The following ITIH5 variants were observed in gnomAD, a reference collection of about 807,000 sequenced individuals.
ITIH5 encodes the protein inter-alpha-trypsin inhibitor heavy chain H5.
In ITIH5, 65 loss-of-function variants were observed where a neutral mutation model predicts 77.5. That is an observed-to-expected ratio of 0.84 (90% CI 0.69 to 1.03). The LOEUF is 1.03. ITIH5 is among the 50% of genes least tolerant of loss of function. ITIH5 has a pLI of 0.00. For missense variants in ITIH5, 1,208 were observed against 1,213.1 expected (o/e 1.00, Z 0.06); for synonymous variants, 525 against 494.3 (o/e 1.06, Z -0.82).
chr10:7,617,308 AATAAC>A, intron 5 of ITIH5, 26 bp from the exon 6 acceptor site: 1 of 1,379,694 alleles, frequency 7.2e-7, no homozygotes, highest in Non-Finnish European at 9.6e-7. Context: ...AAACATAATT[AATAAC>A]TTAATATATA....
At chr10:7,664,553 G>T (rs1834332254) in intron 1 of ITIH5, among the ~76,000 whole-genome samples, 1 of 152,140 alleles carries the variant, frequency 6.6e-6, no homozygotes, top group Non-Finnish European at 1.5e-5. Context: ...TCCACCCCAA[G>T]GGTGAAAACC....
chr10:7,565,713 AT>A (rs1832137498), intron 13 of ITIH5, among the ~76,000 whole-genome samples: 1 of 148,984 alleles, frequency 6.7e-6, no homozygotes, highest in African/African-American at 2.4e-5. Flanking sequence ...TATATAATAT[AT>A]ATTATGTATT....
intron 7 of ITIH5, among the ~76,000 whole-genome samples, chr10:7,591,166 A>G (rs1832787212): frequency 6.6e-6 from 1 of 152,214 alleles, no homozygotes; most frequent in South Asian, 2.1e-4. Flanking sequence ...AAGTGCTGGG[A>G]TTACAGGCGT....
intron 1 of ITIH5, among the ~76,000 whole-genome samples, chr10:7,663,299 T>C (rs557535440): frequency 4.7e-4 from 71 of 152,258 alleles, no homozygotes; most frequent in Non-Finnish European, 8.8e-4. Context: ...GAGACTTAAC[T>C]AGGCTGTGCA....
At position 7,640,850 on chromosome 10, in the gene ITIH5, A is replaced by G. The variant is rs2131079221; in HGVS notation, c.305T>C (p.Ile102Thr). ...AAFITNFTML[I>T]GDKVYQGEIT... ...TTCGCCCTGATACACCTTGTCTCCA[A>G]TAAGCCTGAAATACAAGAGACAGTT... Residue 102 changes from isoleucine to threonine, a missense_variant, in exon 4 of 14, where the codon ATT becomes ACT. Transcript: ENST00000397146. 1 of 1,606,944 alleles carries G rather than the reference A, an allele frequency of 6.2e-7. No homozygotes were observed. Among genetic ancestry groups the G allele is most frequent in the Non-Finnish European group, 8.5e-7 (1 of 1,173,602 alleles).
chr10:7,607,554 C>CT (rs1401577051), intron 7 of ITIH5, among the ~76,000 whole-genome samples: 32 of 152,244 alleles, frequency 2.1e-4, no homozygotes, highest in African/African-American at 7.5e-4. Context: ...TGGTTCATGC[C>CT]TGTAATCCCA....
chr10:7,634,549 G>A (rs1034655493), intron 5 of ITIH5, among the ~76,000 whole-genome samples: 1 of 152,072 alleles, frequency 6.6e-6, no homozygotes, highest in Non-Finnish European at 1.5e-5. Flanking sequence ...GAGATCAACC[G>A]TTTGGAAAAA....
chr10:7,579,972 T>A lies in ITIH5; in HGVS notation c.1201A>T (p.Ile401Phe). 1.2e-6 allele frequency: 2 copies of A among 1,614,138 alleles called. No homozygotes were observed. Among genetic ancestry groups the A allele is most frequent in the Non-Finnish European group, 1.7e-6 (2 of 1,180,028 alleles). ...GGCTTCCCATCCGTCAGGAAGACGA[T>A]GAGGGACACGCTCCGGTCTCCAATG... ...SGIGDRSVSLIVFLTDGKPTV... is the reference protein window; with the variant it reads ...SGIGDRSVSLFVFLTDGKPTV... The change falls in exon 9 of 14, where the codon ATC (isoleucine) becomes TTC (phenylalanine). Residue 401 changes from isoleucine (I) to phenylalanine (F), a missense_variant. Ile to Phe is a conservative substitution (Grantham distance 21). Transcript: ENST00000397146.
chr10:7,649,430 C>CTA (rs972575865), intron 2 of ITIH5, among the ~76,000 whole-genome samples: 16 of 151,064 alleles, frequency 1.1e-4, no homozygotes, highest in South Asian at 4.2e-4. Flanking sequence ...TAGAGGAAAA[C>CTA]TATATATATA....
chr10:7,574,560 C>G (rs959869382), intron 10 of ITIH5, among the ~76,000 whole-genome samples: 3 of 151,968 alleles, frequency 2.0e-5, no homozygotes, highest in African/African-American at 7.3e-5. Context: ...TTGGGAGGCC[C>G]AGGTGGGCGG....
chr10:7,661,038 T>C (rs1409697019), intron 1 of ITIH5, among the ~76,000 whole-genome samples: 1 of 152,224 alleles, frequency 6.6e-6, no homozygotes, highest in East Asian at 1.9e-4. Context: ...CTCCAGGCAC[T>C]AGATTCTCAT....
At chr10:7,662,354 C>T (rs77584281) in intron 1 of ITIH5, among the ~76,000 whole-genome samples, 1 of 135,490 alleles carries the variant, frequency 7.4e-6, no homozygotes, top group African/African-American at 2.7e-5. Flanking sequence ...GAGACTGTCT[C>T]AAAAAAAAAA....
Position 7,620,567 on chromosome 10 carries a change from T to A in ITIH5, c.653-3285A>T, listed in dbSNP as rs549272761. 3.3e-5 allele frequency: 5 copies of A among 152,318 alleles called. No individual in the cohort carries two copies. In the South Asian group the frequency reaches 6.2e-4, roughly 19 times the overall value. The allele number at this position is 152,318 out of a possible 1,614,324, so 9.4% of individuals were successfully genotyped here. On this transcript the variant is annotated intron_variant, in intron 5 of 13. Coordinates refer to ENST00000397146, the MANE Select transcript of ITIH5 (RefSeq NM_030569.7). Reference sequence around the variant, plus strand: ...ATTTTATCAAGCTGTACACATGACATTTGTACCGTTTATGGTGTATGTACA... The same window carrying A: ...ATTTTATCAAGCTGTACACATGACAATTGTACCGTTTATGGTGTATGTACA...
intron 8 of ITIH5, among the ~76,000 whole-genome samples, chr10:7,582,069 GT>G (rs374325381): frequency 9.9e-4 from 150 of 151,668 alleles, no homozygotes; most frequent in African/African-American, 3.4e-3. Context: ...GTAGAGACGG[GT>G]TTCACCATGT....
chr10:7,610,507 A>G (rs1387843915), intron 7 of ITIH5, among the ~76,000 whole-genome samples: 1 of 152,236 alleles, frequency 6.6e-6, no homozygotes, highest in Non-Finnish European at 1.5e-5. Context: ...GGCCCGTCAA[A>G]GACGAGGGGA....
At chr10:7,628,187 C>A (rs887971863) in intron 5 of ITIH5, among the ~76,000 whole-genome samples, 1 of 152,150 alleles carries the variant, frequency 6.6e-6, no homozygotes, top group Non-Finnish European at 1.5e-5. Context: ...TTTAGTACAT[C>A]CACAATGTTG....
chr10:7,573,933 C>A (rs966949125), intron 10 of ITIH5, among the ~76,000 whole-genome samples: 2 of 152,224 alleles, frequency 1.3e-5, no homozygotes, highest in East Asian at 3.9e-4. Flanking sequence ...TGTTTCACAA[C>A]AGTGTGAATA....
chr10:7,666,915 C>A lies in ITIH5; in HGVS notation c.-23G>T. 1 of 1,569,420 alleles carries A rather than the reference C, an allele frequency of 6.4e-7. No individual in the cohort carries two copies. The stretch of plus-strand genomic sequence containing the variant: ...CATGGCGGGGCGAGGGCGCGGGACG[C>A]TCGGGGACCCGGCGGGACACGCTTT... On this transcript the variant is annotated 5_prime_UTR_variant, in exon 1 of 14. Transcript: ENST00000397146.
intron 8 of ITIH5, among the ~76,000 whole-genome samples, chr10:7,581,835 T>C (rs1241410157): frequency 7.0e-6 from 1 of 143,434 alleles, no homozygotes; most frequent in East Asian, 2.2e-4. Flanking sequence ...GTGCTGGGAC[T>C]ACAGGCATGA....
Sources: allele counts gnomAD v4.1 joint callset (sites outside exome capture counted in the v4.1 genomes callset), GRCh38; gene constraint gnomAD v4.1.1; transcripts MANE v1.5; gene names NCBI Gene and HGNC (gene_info 2026-07-23, HGNC 2026-07-21).